The following SENP6 variants were observed in gnomAD, a reference collection of about 807,000 sequenced individuals.
SENP6 encodes the protein sentrin-specific protease 6.
Under a neutral mutation model 134.5 loss-of-function variants are expected in SENP6, and 41 were observed. The observed-to-expected ratio is 0.30, with a 90% CI of 0.24 to 0.40. SENP6 has a LOEUF of 0.40. Ranked by LOEUF, SENP6 falls within the 10% of genes least tolerant of loss-of-function variation. SENP6 has a pLI of 1.00. For synonymous variants in SENP6, 395 were observed against 429.8 expected (o/e 0.92, Z 1.00); for missense variants, 1,248 against 1,312.5 (o/e 0.95, Z 0.76).
rs905905246 is a variant in SENP6 at position 75,602,683 on chromosome 6, G to A, written c.52+107G>A. The A allele has an allele frequency of 9.6e-6, 11 of 1,151,062 alleles. No homozygotes were observed. In the African/African-American group the frequency reaches 1.7e-4, roughly 18 times the overall value. 71.3% of individuals were successfully genotyped at this position (1,151,062 alleles called of 1,614,324 possible). A position where few individuals can be genotyped will look rare whatever the true frequency, so the allele number is the denominator to read the frequency against. On this transcript the variant is annotated intron_variant, in intron 1 of 23. Transcript: ENST00000447266. ...TCTGCGCTGGGTGGGTTTCGGGGGC[G>A]GTGAAGTACGAGGGATGAGCGATGA...
chr6:75,614,268 T>G lies in SENP6; in HGVS notation c.53-7264T>G, dbSNP rs563434278. On this transcript the variant is annotated intron_variant, in intron 1 of 23. Transcript: ENST00000447266. ...CCACAGAAAGTTACTATCTTTTTTT[T>G]TTTTTTTTTTTGTTTGAGACAGAGT... 4.8e-3 allele frequency among the ~76,000 whole-genome samples: 724 copies of G among 151,586 alleles called. 3 individuals are homozygous for G. The highest frequency in any genetic ancestry group is 5.3e-3 in the Non-Finnish European group (363 of 67,870).
Position 75,659,303 on chromosome 6 carries a change from G to A in SENP6, c.592G>A (p.Glu198Lys), listed in dbSNP as rs1456227877. Residue 198 changes from glutamate (E) to lysine (K), a missense_variant, in exon 8 of 24, where the codon GAG (glutamate) becomes AAG (lysine). By Grantham distance (56) the Glu-to-Lys change is moderately conservative. Coordinates refer to ENST00000447266, the MANE Select transcript of SENP6 (RefSeq NM_015571.4). ...KKTEESESQV[E>K]PEIKRKVQQK... The stretch of plus-strand genomic sequence containing the variant: ...AACAGAAGAGTCCGAATCACAAGTG[G>A]AGCCTGAAATTAAGAGGAAAGTACA... 6.2e-7 allele frequency: 1 copy of A among 1,612,536 alleles called. No individual in the cohort carries two copies.
intron 16 of SENP6, among the ~76,000 whole-genome samples, chr6:75,693,660 C>A (rs1774451944): frequency 6.6e-6 from 1 of 152,116 alleles, no homozygotes; most frequent in Non-Finnish European, 1.5e-5. Flanking sequence ...ATGTCATTTT[C>A]ATTGAAACTT....
At position 75,678,674 on chromosome 6, in the gene SENP6, T is replaced by C. The variant is rs745508903; in HGVS notation, c.1940T>C (p.Phe647Ser). The change falls in exon 15 of 24, where the codon TTC (phenylalanine) becomes TCC (serine). Residue 647 changes from phenylalanine to serine, a missense_variant. Transcript: ENST00000447266. The stretch of plus-strand genomic sequence containing the variant: ...GAAACTGGAGAAAACCACACCATCT[T>C]CATTGGCCCAGTAGAAAAGTGAGAG... ...EEETGENHTIFIGPVEKLIVY... is the reference protein window; with the variant it reads ...EEETGENHTISIGPVEKLIVY... 2.1e-5 allele frequency: 34 copies of C among 1,590,506 alleles called. No homozygotes were observed. The highest frequency in any genetic ancestry group is 2.0e-5 in the Non-Finnish European group (23 of 1,162,498).
At position 75,617,514 on chromosome 6, in the gene SENP6, C is replaced by T. The variant is rs186102697; in HGVS notation, c.53-4018C>T. Among the ~76,000 whole-genome samples the T allele has an allele frequency of 8.8e-3, 1,338 of 151,848 alleles. 19 individuals carry two copies. The highest frequency in any genetic ancestry group is 0.032 in the Admixed American group (490 of 15,250). ...CTCAAACTCCCGACCTCAGGTGATC[C>T]GCCCGCCTCCGCCTCCACCTCCCAA... On this transcript the variant is annotated intron_variant, in intron 1 of 23. Transcript: ENST00000447266.
chr6:75,622,914 A>G, intron 2 of SENP6: 2 of 794,912 alleles, frequency 2.5e-6, no homozygotes, highest in Non-Finnish European at 3.5e-6. Context: ...CATTTCTTTT[A>G]TACTTTTTCT....
intron 6 of SENP6, among the ~76,000 whole-genome samples, chr6:75,642,759 T>C (rs1770126573): frequency 6.6e-6 from 1 of 152,242 alleles, no homozygotes; most frequent in African/African-American, 2.4e-5. Context: ...ATGTGATTTA[T>C]AATTTGGCAT....
intron 18 of SENP6, among the ~76,000 whole-genome samples, chr6:75,702,081 A>G (rs1420728273): frequency 6.6e-6 from 1 of 152,066 alleles, no homozygotes; most frequent in Non-Finnish European, 1.5e-5. Context: ...GCGTTCAGGG[A>G]TTGTTTGCAA....
intron 11 of SENP6, among the ~76,000 whole-genome samples, chr6:75,674,714 T>C (rs1228749270): frequency 6.6e-6 from 1 of 152,240 alleles, no homozygotes; most frequent in Non-Finnish European, 1.5e-5. Flanking sequence ...AGTGACATTC[T>C]AGACTTTGCA....
chr6:75,654,081 A>T (rs760310889), intron 7 of SENP6, among the ~76,000 whole-genome samples: 2 of 152,138 alleles, frequency 1.3e-5, no homozygotes, highest in Admixed American at 6.5e-5. Flanking sequence ...AAAATTAGCC[A>T]GGTGTGGTTA....
At chr6:75,673,481 G>A (rs1404825858) in intron 11 of SENP6, among the ~76,000 whole-genome samples, 2 of 151,578 alleles carry the variant, frequency 1.3e-5, no homozygotes, top group East Asian at 4.0e-4. Context: ...CTGCCACCAT[G>A]CCTGGCTAAT....
chr6:75,701,276 A>G (rs1281427927), intron 18 of SENP6, among the ~76,000 whole-genome samples: 1 of 152,166 alleles, frequency 6.6e-6, no homozygotes, highest in Non-Finnish European at 1.5e-5. Flanking sequence ...CCCTGTGTCT[A>G]GCAAAAAATG....
chr6:75,718,178 A>G lies in SENP6; in HGVS notation c.*2584A>G, dbSNP rs2149912176. The G allele has an allele frequency of 6.6e-6, 1 of 152,346 alleles. No individual in the cohort carries two copies. The highest frequency in any genetic ancestry group is 2.1e-4 in the South Asian group (1 of 4,826). The allele number at this position is 152,346 out of a possible 1,614,324, so 9.4% of individuals were successfully genotyped here. On this transcript the variant is annotated 3_prime_UTR_variant, in exon 24 of 24. Transcript: ENST00000447266. ...AATGATCTCTGAAAACTGTGAGACA[A>G]TGTAAAAAGAATAAGTTTTAATTCC...
At chr6:75,663,195 A>G in intron 8 of SENP6, 26 bp from the exon 9 acceptor site, 1 of 1,593,602 alleles carries the variant, frequency 6.3e-7, no homozygotes, top group African/African-American at 1.4e-5. Flanking sequence ...ACCAAATGCC[A>G]AAGTTGTGGT....
At chr6:75,632,223 C>A (rs1437308750) in intron 3 of SENP6, among the ~76,000 whole-genome samples, 1 of 152,116 alleles carries the variant, frequency 6.6e-6, no homozygotes, top group Non-Finnish European at 1.5e-5. Context: ...TTAGAGACAA[C>A]CTTAGTAGCT....
chr6:75,677,297 G>A, intron 14 of SENP6, 41 bp downstream of exon 14: 1 of 1,325,976 alleles, frequency 7.5e-7, no homozygotes. Flanking sequence ...TTAAATTGTG[G>A]GTAGTTTTAA....
intron 9 of SENP6, among the ~76,000 whole-genome samples, chr6:75,663,821 TGGG>T (rs34474209): frequency 5.1e-5 from 6 of 117,464 alleles, no homozygotes; most frequent in East Asian, 2.2e-4. Context: ...TTTTTTTTTG[TGGG>T]GGGGGGGGTG....
chr6:75,613,344 C>A (rs1767604169), intron 1 of SENP6, among the ~76,000 whole-genome samples: 1 of 152,136 alleles, frequency 6.6e-6, no homozygotes, highest in Non-Finnish European at 1.5e-5. Context: ...TCCCTGCCTT[C>A]TCATTGAAAT....
rs1356575065 is a variant in SENP6, at chr6:75,632,127, T to C, written c.208-1454T>C. 3.3e-5 allele frequency among the ~76,000 whole-genome samples: 5 copies of C among 152,270 alleles called. No individual in the cohort carries two copies. The East Asian group carries it at 5.8e-4, about 18-fold the overall frequency. On this transcript the variant is annotated intron_variant, in intron 3 of 23. Transcript: ENST00000447266. ...TGTCCTTTCATGTTTTATGCCCTGG[T>C]GCATTTTTATGAATTAGTATGTACT...
Sources: allele counts gnomAD v4.1 joint callset (sites outside exome capture counted in the v4.1 genomes callset), GRCh38; gene constraint gnomAD v4.1.1; transcripts MANE v1.5; gene names NCBI Gene and HGNC (gene_info 2026-07-23, HGNC 2026-07-21).